LMO2: variants seen among roughly 807,000 people sequenced by gnomAD.
LMO2 encodes rhombotin-2.
In LMO2, 20 loss-of-function variants were observed where a neutral mutation model predicts 23.2. The observed-to-expected ratio is 0.86, with a 90% CI of 0.61 to 1.25. The LOEUF is 1.25. Among genes scored for constraint, LMO2 ranks in the 50% most tolerant of loss-of-function variants. LMO2 has a pLI of 0.00. For synonymous variants in LMO2, 123 were observed against 130.2 expected (o/e 0.94, Z 0.38); for missense variants, 270 against 315.3 (o/e 0.86, Z 1.09).
chr11:33,864,542 G>T lies in LMO2; in HGVS notation c.464+60C>A. 7.1e-7 allele frequency: 1 copy of T among 1,417,840 alleles called. No individual in the cohort carries two copies. Among genetic ancestry groups the T allele is most frequent in the South Asian group, 1.2e-5 (1 of 81,018 alleles). The allele number at this position is 1,417,840 out of a possible 1,614,324, so 87.8% of individuals were successfully genotyped here. ...TAAGGGGCAACACACACCGACTGCA[G>T]ATGTCCATGGACCACCCAGCCTCCC... On this transcript the variant is annotated intron_variant, in intron 5 of 5. Coordinates refer to ENST00000257818, the MANE Select transcript of LMO2 (RefSeq NM_005574.4). This position sits in a 1 kb window ranked among gnomAD's most constrained non-coding sequence, Gnocchi z 4.8.
intron 2 of LMO2, among the ~76,000 whole-genome samples, chr11:33,876,757 C>T (rs1857146550): frequency 6.6e-6 from 1 of 152,190 alleles, no homozygotes; most frequent in Non-Finnish European, 1.5e-5. Context: ...AAAGCAAAGG[C>T]TTTGGAGAGA....
rs1473459390 is a variant in LMO2 at position 33,864,983 on chromosome 11, A to T, written c.249-166T>A. Reference sequence around the variant, plus strand: ...CCCTTGGCCAGACTGCAGAGTCCCAACCAACCTTGGGTTAAGACGGGAAAG... The same window carrying T: ...CCCTTGGCCAGACTGCAGAGTCCCATCCAACCTTGGGTTAAGACGGGAAAG... On this transcript the variant is annotated intron_variant, in intron 4 of 5. Coordinates refer to ENST00000257818, the MANE Select transcript of LMO2 (RefSeq NM_005574.4). The surrounding 1 kb of genome is among the most constrained non-coding windows in gnomAD (Gnocchi z 4.8). 1.5e-6 allele frequency: 1 copy of T among 676,928 alleles called. No individual in the cohort carries two copies. Among genetic ancestry groups the T allele is most frequent in the African/African-American group, 1.8e-5 (1 of 56,810 alleles). 41.9% of individuals were successfully genotyped at this position (676,928 alleles called of 1,614,324 possible). A position where few individuals can be genotyped will look rare whatever the true frequency, so the allele number is the denominator to read the frequency against.
At chr11:33,862,246 G>A (rs761776439) in intron 5 of LMO2, among the ~76,000 whole-genome samples, 2 of 152,208 alleles carry the variant, frequency 1.3e-5, no homozygotes, top group Non-Finnish European at 2.9e-5. Context: ...CTGGCTCCAG[G>A]CAAGGCTGCG....
intron 1 of LMO2, among the ~76,000 whole-genome samples, chr11:33,890,901 T>G (rs10836129): frequency 0.45 from 69,107 of 152,004 alleles, 16,032 homozygotes; most frequent in East Asian, 0.58. Context: ...AACAAGAGCT[T>G]AATTAATTTT....
intron 4 of LMO2, among the ~76,000 whole-genome samples, chr11:33,868,677 A>C (rs139227703): frequency 1.2e-3 from 181 of 152,266 alleles, no homozygotes; most frequent in African/African-American, 4.3e-3. Flanking sequence ...AGAATAATTC[A>C]CCTATACACA....
Position 33,864,944 on chromosome 11 carries a change from A to ATGTGTTGTCCTGTCCCTT in LMO2, c.249-128_249-127insAAGGGACAGGACAACACA. ...CTTTCAGTGACCTAAGGGAGAAGGG[A>ATGTGTTGTCCTGTCCCTT]CAGGACAACACATCCCTTGGCCAGA... On this transcript the variant is annotated intron_variant, in intron 4 of 5. Coordinates refer to ENST00000257818, the MANE Select transcript of LMO2 (RefSeq NM_005574.4). This position sits in a 1 kb window ranked among gnomAD's most constrained non-coding sequence, Gnocchi z 4.8. 1.2e-6 allele frequency: 1 copy of ATGTGTTGTCCTGTCCCTT among 803,898 alleles called. No homozygotes were observed. Among genetic ancestry groups the ATGTGTTGTCCTGTCCCTT allele is most frequent in the Non-Finnish European group, 2.1e-6 (1 of 477,486 alleles). 49.8% of individuals were successfully genotyped at this position (803,898 alleles called of 1,614,324 possible).
At chr11:33,889,288 T>C (rs1033580373) in intron 1 of LMO2, among the ~76,000 whole-genome samples, 8 of 151,982 alleles carry the variant, frequency 5.3e-5, no homozygotes, top group African/African-American at 1.9e-4. Flanking sequence ...CAACTAGGGG[T>C]GAAATGTCCA....
chr11:33,861,100 G>A (rs776717766), intron 5 of LMO2, among the ~76,000 whole-genome samples: 1 of 152,208 alleles, frequency 6.6e-6, no homozygotes, highest in Non-Finnish European at 1.5e-5. Context: ...AAGCATGTCA[G>A]GGCACCCATG....
chr11:33,887,904 A>C (rs565265150), intron 1 of LMO2, among the ~76,000 whole-genome samples: 3 of 147,760 alleles, frequency 2.0e-5, no homozygotes, highest in Admixed American at 2.0e-4. Flanking sequence ...CCACTAGTCC[A>C]TGGAAGACTC....
chr11:33,869,383 A>G lies in LMO2; in HGVS notation c.211T>C (p.Ser71Pro). 3 of 1,207,304 alleles carry G rather than the reference A, an allele frequency of 2.5e-6. No individual in the cohort carries two copies. Among genetic ancestry groups the G allele is most frequent in the Non-Finnish European group, 3.1e-6 (3 of 965,018 alleles). The allele number at this position is 1,207,304 out of a possible 1,614,324, so 74.8% of individuals were successfully genotyped here. Residue 71 changes from serine (S) to proline (P), a missense_variant, in exon 4 of 6, where the codon TCC (serine) becomes CCC (proline). Physicochemically the swap from Ser to Pro is moderately conservative, Grantham distance 74. Around this residue, in one of 2 missense-constraint regions of LMO2, gnomAD observed 170 missense variants for 162.0 expected, o/e 1.05. Transcript: ENST00000257818. ...AGGCTCTTCCTTTCGATGGCCGAGG[A>G]CATTGGGGAGGGAGGCGGGGTGCCG... Reference protein sequence around the residue: ...PPGTPPPSPMSSAIERKSLDP... With the variant: ...PPGTPPPSPMPSAIERKSLDP...
chr11:33,890,724 CAAT>C (rs769284848), intron 1 of LMO2, among the ~76,000 whole-genome samples: 9 of 152,128 alleles, frequency 5.9e-5, no homozygotes, highest in Admixed American at 2.6e-4. Context: ...CTCTTAACAA[CAAT>C]GACAATGATG....
chr11:33,859,506 C>A lies in LMO2; in HGVS notation c.534G>T (p.Arg178=). 6.2e-7 allele frequency: 1 copy of A among 1,614,052 alleles called. No individual in the cohort carries two copies. ...CCAGGTGATACACTTTGTCTTTCAC[C>A]CGCATTGTCATCTCATAGGCACGAA... ...KRIRAYEMTM[R]VKDKVYHLEC... is the part of the protein sequence containing the mutation. Residue 178 remains arginine (R), a synonymous_variant, in exon 6 of 6, where the codon CGG becomes CGT. Transcript: ENST00000257818.
chr11:33,891,523 G>A (rs886333709), intron 1 of LMO2, among the ~76,000 whole-genome samples: 1 of 152,046 alleles, frequency 6.6e-6, no homozygotes, highest in Non-Finnish European at 1.5e-5. Flanking sequence ...AGCAGTTCCC[G>A]AAGACATTAG....
intron 5 of LMO2, among the ~76,000 whole-genome samples, chr11:33,863,743 G>C (rs75034521): frequency 2.4e-4 from 36 of 152,310 alleles, no homozygotes; most frequent in African/African-American, 7.7e-4. Context: ...CCAGAGCATG[G>C]GAGATGTCCT....
At position 33,859,050 on chromosome 11, in the gene LMO2, T is replaced by C. The variant is rs1856466277; in HGVS notation, c.*306A>G. ...CTCTATCTGTAGATATGAAATTCCA[T>C]CATGATAGCACAGCGCCTGCTTGCC... On this transcript the variant is annotated 3_prime_UTR_variant, in exon 6 of 6. Coordinates refer to ENST00000257818, the MANE Select transcript of LMO2 (RefSeq NM_005574.4). The C allele has an allele frequency of 2.6e-6, 1 of 387,650 alleles. No individual in the cohort carries two copies. Among genetic ancestry groups the C allele is most frequent in the African/African-American group, 2.0e-5 (1 of 50,576 alleles). The allele number at this position is 387,650 out of a possible 1,614,324, so 24.0% of individuals were successfully genotyped here. A position where few individuals can be genotyped will look rare whatever the true frequency, so the allele number is the denominator to read the frequency against.
At chr11:33,870,351 G>T (rs1026233119) in intron 2 of LMO2, 10 of 984,686 alleles carry the variant, frequency 1.0e-5, no homozygotes, top group Non-Finnish European at 1.2e-5. Flanking sequence ...CTACAGAAAT[G>T]CAAGTGTTCC....
intron 5 of LMO2, among the ~76,000 whole-genome samples, chr11:33,861,555 G>A (rs150539749): frequency 3.3e-5 from 5 of 152,286 alleles, no homozygotes; most frequent in African/African-American, 9.6e-5. Context: ...TTATCCCAAC[G>A]TAGCAGATGG....
intron 1 of LMO2, among the ~76,000 whole-genome samples, chr11:33,887,033 A>G (rs1857427005): frequency 6.6e-6 from 1 of 152,260 alleles, no homozygotes; most frequent in South Asian, 2.1e-4. Flanking sequence ...AAAAAGATAT[A>G]GGAATGAAGG....
intron 1 of LMO2, among the ~76,000 whole-genome samples, chr11:33,884,642 T>G (rs1220408649): frequency 2.0e-5 from 3 of 152,178 alleles, no homozygotes; most frequent in African/African-American, 7.2e-5. Context: ...TAAAACAAGG[T>G]CACCCCAGGC....
Sources: gnomAD v4.1 joint callset for allele counts (sites outside exome capture counted in the v4.1 genomes callset) on GRCh38, gnomAD v4.1.1 for gene constraint, gnomAD v4.1.1 regional missense constraint, Gnocchi (gnomAD v3.1) non-coding constraint, MANE v1.5 for transcripts, NCBI Gene and HGNC (gene_info 2026-07-23, HGNC 2026-07-21) for gene names.